The following FAM168A variants were observed in gnomAD, a reference collection of about 807,000 sequenced individuals.
FAM168A encodes the protein protein FAM168A.
FAM168A carries 3 observed loss-of-function variants against 28.5 expected under a neutral mutation model. That is an observed-to-expected ratio of 0.11 (90% CI 0.05 to 0.27). The LOEUF (loss-of-function observed/expected upper bound fraction) is 0.27. Among genes scored for constraint, FAM168A ranks in the 10% least tolerant of loss-of-function variants. The pLI, the probability that FAM168A is intolerant of heterozygous loss-of-function variation, is 1.00. For synonymous variants in FAM168A, 122 were observed against 124.2 expected (o/e 0.98, Z 0.12); for missense variants, 222 against 311.5 (o/e 0.71, Z 2.16).
intron 4 of FAM168A, 90 bp from the exon 5 acceptor site, chr11:73,411,626 AAGAT>A: frequency 7.4e-7 from 1 of 1,343,546 alleles, no homozygotes; most frequent in Non-Finnish European, 1.1e-6. Context: ...TCCCCAGACA[AAGAT>A]GGGCTGAATC....
At chr11:73,513,121 C>T (rs1313538491) in intron 1 of FAM168A, among the ~76,000 whole-genome samples, 1 of 151,810 alleles carries the variant, frequency 6.6e-6, no homozygotes, top group Non-Finnish European at 1.5e-5. Context: ...TTGTAGTTAG[C>T]ACCATATGAC....
chr11:73,553,614 T>C (rs1472950241), intron 1 of FAM168A, among the ~76,000 whole-genome samples: 1 of 152,170 alleles, frequency 6.6e-6, no homozygotes, highest in Non-Finnish European at 1.5e-5. Flanking sequence ...GTAGTCACTC[T>C]TTCATTTAAC....
intron 1 of FAM168A, among the ~76,000 whole-genome samples, chr11:73,547,628 A>G (rs1374657052): frequency 6.6e-6 from 1 of 152,096 alleles, no homozygotes; most frequent in Non-Finnish European, 1.5e-5. Flanking sequence ...ATGCCTGTGA[A>G]TAACCGCTGC....
At chr11:73,541,298 T>C (rs1943653213) in intron 1 of FAM168A, among the ~76,000 whole-genome samples, 2 of 152,124 alleles carry the variant, frequency 1.3e-5, no homozygotes, top group African/African-American at 4.8e-5. Flanking sequence ...ACCACAGGCT[T>C]TGAGATCAGG....
intron 1 of FAM168A, among the ~76,000 whole-genome samples, chr11:73,517,492 A>G (rs1030759025): frequency 6.6e-6 from 1 of 152,126 alleles, no homozygotes; most frequent in Non-Finnish European, 1.5e-5. Flanking sequence ...TAAGTCCAAC[A>G]GAAAAAGATT....
chr11:73,468,357 T>C (rs1256061293), intron 2 of FAM168A, 48 bp downstream of exon 2: 15 of 1,568,322 alleles, frequency 9.6e-6, no homozygotes, highest in Non-Finnish European at 7.9e-6. Context: ...TTTGGTAATA[T>C]CCTTAACCAC....
intron 2 of FAM168A, among the ~76,000 whole-genome samples, chr11:73,435,622 T>C (rs1867072859): frequency 6.6e-6 from 1 of 152,134 alleles, no homozygotes; most frequent in Non-Finnish European, 1.5e-5. Flanking sequence ...ATCTCAAGCA[T>C]TGCCTGAGTC....
At chr11:73,506,165 G>A (rs1046778139) in intron 1 of FAM168A, among the ~76,000 whole-genome samples, 2 of 152,038 alleles carry the variant, frequency 1.3e-5, no homozygotes, top group African/African-American at 4.8e-5. Flanking sequence ...CAAATACCAA[G>A]AAGAAGAGGT....
intron 1 of FAM168A, among the ~76,000 whole-genome samples, chr11:73,588,052 A>G (rs1565310250): frequency 6.6e-6 from 1 of 152,198 alleles, no homozygotes; most frequent in South Asian, 2.1e-4. Context: ...ACCGAGCCTC[A>G]CATAAAGCAT....
intron 1 of FAM168A, among the ~76,000 whole-genome samples, chr11:73,547,534 C>T (rs918978609): frequency 2.0e-5 from 3 of 152,044 alleles, no homozygotes; most frequent in Non-Finnish European, 4.4e-5. Context: ...TGCTGATGCA[C>T]ACCTGTAGTC....
At chr11:73,424,236 C>T (rs143911005) in intron 3 of FAM168A, among the ~76,000 whole-genome samples, 180 of 152,312 alleles carry the variant, frequency 1.2e-3, no homozygotes, top group African/African-American at 4.2e-3. Flanking sequence ...ATTCAATTTC[C>T]AGCATCCAAA....
At chr11:73,592,985 A>T (rs944109111) in intron 1 of FAM168A, among the ~76,000 whole-genome samples, 3 of 152,216 alleles carry the variant, frequency 2.0e-5, no homozygotes, top group African/African-American at 7.2e-5. Context: ...TAATGGTGGA[A>T]GAAATAAAGC....
intron 2 of FAM168A, among the ~76,000 whole-genome samples, chr11:73,448,819 T>G (rs149300746): frequency 3.3e-5 from 5 of 152,326 alleles, no homozygotes; most frequent in African/African-American, 1.2e-4. Flanking sequence ...ATAGAGATAT[T>G]GGTCTTGTAC....
In FAM168A at chr11:73,471,368, T is replaced by A. The variant is rs190055797; in HGVS notation, c.-18-2876A>T. Among the ~76,000 whole-genome samples, 187 of 152,144 alleles carry A rather than the reference T, an allele frequency of 1.2e-3. 1 individual carries two copies. Among genetic ancestry groups the A allele is most frequent in the African/African-American group, 3.6e-3 (150 of 41,508 alleles). On this transcript the variant is annotated intron_variant, in intron 1 of 7. Coordinates refer to ENST00000356467, the MANE Select transcript of FAM168A (RefSeq NM_015159.3). ...AAAAAACATAATTTGTAAAAAAAAA[T>A]TTTTTAATGACAGGTTCATTAAAGT...
At chr11:73,427,116 C>T (rs933195164) in intron 3 of FAM168A, among the ~76,000 whole-genome samples, 5 of 151,984 alleles carry the variant, frequency 3.3e-5, no homozygotes, top group African/African-American at 1.2e-4. Context: ...CTCAGCCTCC[C>T]GAGTAGCTGG....
intron 1 of FAM168A, among the ~76,000 whole-genome samples, chr11:73,475,588 G>A (rs1290788515): frequency 6.6e-6 from 1 of 151,944 alleles, no homozygotes; most frequent in Non-Finnish European, 1.5e-5. Context: ...CTGGAACAAA[G>A]TGCTTACCAA....
chr11:73,489,770 C>T (rs1218481432), intron 1 of FAM168A, among the ~76,000 whole-genome samples: 1 of 152,202 alleles, frequency 6.6e-6, no homozygotes, highest in African/African-American at 2.4e-5. Flanking sequence ...CTCAGCTTCG[C>T]AAAGTGTTGA....
At chr11:73,520,411 G>GTAA (rs1943360923) in intron 1 of FAM168A, among the ~76,000 whole-genome samples, 1 of 152,064 alleles carries the variant, frequency 6.6e-6, no homozygotes, top group Non-Finnish European at 1.5e-5. Flanking sequence ...AATAACTCAA[G>GTAA]TAATAAATGC....
chr11:73,505,241 GAAA>G (rs548075811), intron 1 of FAM168A, among the ~76,000 whole-genome samples: 3 of 131,132 alleles, frequency 2.3e-5, no homozygotes, highest in Admixed American at 7.7e-5. Context: ...TTGCAAAAAG[GAAA>G]AAAAAAAAAA....
Sources: allele counts gnomAD v4.1 joint callset (sites outside exome capture counted in the v4.1 genomes callset), GRCh38; gene constraint gnomAD v4.1.1; transcripts MANE v1.5; gene names NCBI Gene and HGNC (gene_info 2026-07-23, HGNC 2026-07-21).